The following ATP10A variants were observed in gnomAD, a reference collection of about 807,000 sequenced individuals.
The protein encoded by ATP10A is phospholipid-transporting ATPase VA.
ATP10A carries 111 observed loss-of-function variants against 147.8 expected under a neutral mutation model. The observed-to-expected ratio is 0.75, with a 90% confidence interval of 0.64 to 0.88. The LOEUF (loss-of-function observed/expected upper bound fraction) is 0.88, where lower values mean the gene tolerates loss of function less well. ATP10A is among the 40% of genes least tolerant of loss of function. ATP10A has a pLI of 0.00. For missense variants in ATP10A, 1,927 were observed against 1,959.0 expected (o/e 0.98, Z 0.31); for synonymous variants, 875 against 841.6 (o/e 1.04, Z -0.69).
intron 2 of ATP10A, among the ~76,000 whole-genome samples, chr15:25,757,839 TCCGACCA>T (rs1888510246): frequency 6.8e-6 from 1 of 147,630 alleles, no homozygotes; most frequent in African/African-American, 2.6e-5. Context: ...CCTAACTCAT[TCCGACCA>T]CCTGCTCCAC....
At position 25,701,935 on chromosome 15, in the gene ATP10A, G is replaced by A. The variant is rs145119183; in HGVS notation, c.2741C>T (p.Thr914Ile). 1.7e-5 allele frequency: 28 copies of A among 1,609,736 alleles called. No homozygotes were observed. The highest frequency in any genetic ancestry group is 2.3e-5 in the Non-Finnish European group (27 of 1,177,762). The stretch of plus-strand genomic sequence containing the variant: ...ACCTACCTGGGAGGTGGCATTCAGG[G>A]TGATGACCTCCTCGTCGTGGTCCAG... ...KLLDHDEEVI[T>I]LNATSQEACA... Residue 914 changes from threonine to isoleucine, a missense_variant, in exon 13 of 21, where the codon ACC becomes ATC. Thr to Ile is a moderately conservative substitution (Grantham distance 89). Transcript: ENST00000555815.
chr15:25,723,107 G>A (rs1462896746), intron 6 of ATP10A, among the ~76,000 whole-genome samples: 1 of 152,156 alleles, frequency 6.6e-6, no homozygotes, highest in Non-Finnish European at 1.5e-5. Flanking sequence ...CTAGCACTTT[G>A]GGAGACCGAG....
At chr15:25,795,709 C>T (rs567791370) in intron 1 of ATP10A, among the ~76,000 whole-genome samples, 1 of 152,268 alleles carries the variant, frequency 6.6e-6, no homozygotes, top group South Asian at 2.1e-4. Flanking sequence ...TAATAATACA[C>T]ACTGGGAAAA....
At chr15:25,746,315 T>A (rs971351206) in intron 2 of ATP10A, among the ~76,000 whole-genome samples, 3 of 152,130 alleles carry the variant, frequency 2.0e-5, no homozygotes, top group Non-Finnish European at 4.4e-5. Flanking sequence ...AATAAAAATG[T>A]CTAAATTTAT....
chr15:25,776,381 G>A (rs570965324), intron 2 of ATP10A, among the ~76,000 whole-genome samples: 3 of 152,292 alleles, frequency 2.0e-5, no homozygotes, highest in East Asian at 3.9e-4. Context: ...CACTTTTTCT[G>A]TTTCTCATCT....
chr15:25,799,914 CAAACCCAGA>C (rs1350309813), intron 1 of ATP10A, among the ~76,000 whole-genome samples: 2 of 152,120 alleles, frequency 1.3e-5, no homozygotes, highest in Non-Finnish European at 2.9e-5. Flanking sequence ...ACAACAACAA[CAAACCCAGA>C]AAACCCAACA....
intron 7 of ATP10A, among the ~76,000 whole-genome samples, chr15:25,719,113 C>T (rs1483745022): frequency 6.6e-6 from 1 of 152,150 alleles, no homozygotes; most frequent in African/African-American, 2.4e-5. Context: ...CAGCTTGTTT[C>T]ACCGTGGATG....
rs916062388 is a variant in ATP10A, at chr15:25,841,787, T to C, written c.449+20861A>G. The C allele has an allele frequency of 3.3e-5, 5 of 152,352 alleles. No homozygotes were observed. In the South Asian group the frequency reaches 6.2e-4, roughly 19 times the overall value. 9.4% of individuals were successfully genotyped at this position (152,352 alleles called of 1,614,324 possible). A position where few individuals can be genotyped will look rare whatever the true frequency, so the allele number is the denominator to read the frequency against. On this transcript the variant is annotated intron_variant, in intron 1 of 20. Coordinates refer to ENST00000555815, the MANE Select transcript of ATP10A (RefSeq NM_024490.4). ...TCCTGTATGAGCATTGTGAAACTTA[T>C]ATGTAAGTATTTTATTTTCTTGGTG...
chr15:25,687,894 T>C, intron 15 of ATP10A, 66 bp from the exon 16 acceptor site: 1 of 1,605,178 alleles, frequency 6.2e-7, no homozygotes, highest in Non-Finnish European at 8.5e-7. Context: ...TCTTCTCTTC[T>C]CAAAATGCAA....
At chr15:25,771,543 C>T (rs2140666606) in intron 2 of ATP10A, among the ~76,000 whole-genome samples, 1 of 152,262 alleles carries the variant, frequency 6.6e-6, no homozygotes, top group South Asian at 2.1e-4. Context: ...AGACTCCTCC[C>T]TCCACCCACC....
rs753168128 is a variant in ATP10A, at chr15:25,708,248, G to T, written c.2397C>A (p.Tyr799Ter). The T allele has an allele frequency of 8.7e-6, 14 of 1,614,182 alleles. No individual in the cohort carries two copies. The highest frequency in any genetic ancestry group is 1.2e-5 in the Non-Finnish European group (14 of 1,180,042). The change falls in exon 11 of 21, where the codon TAC (tyrosine) becomes TAA (stop). Residue 799 changes from tyrosine to a stop codon, truncating the protein, a stop_gained. Transcript: ENST00000555815. LOFTEE classifies it high-confidence loss of function. ...QKKIRSKTQN[Y>*]LNVYAAEGLR... is the part of the protein sequence containing the mutation. The stretch of plus-strand genomic sequence containing the variant: ...GGCCTTCCGCCGCATACACGTTGAG[G>T]TAATTCTGAGTTTTGCTCCGAATCT...
At chr15:25,855,020 T>C (rs1002707929) in intron 1 of ATP10A, among the ~76,000 whole-genome samples, 2 of 148,606 alleles carry the variant, frequency 1.3e-5, no homozygotes, top group Non-Finnish European at 1.5e-5. Context: ...GATCGCCCCA[T>C]TGCACTCCAG....
intron 12 of ATP10A, 104 bp from the exon 13 acceptor site, chr15:25,702,204 G>C: frequency 8.2e-7 from 1 of 1,213,938 alleles, no homozygotes; most frequent in Non-Finnish European, 1.1e-6. Flanking sequence ...GCAGGCACTG[G>C]TACAGCCCCT....
intron 1 of ATP10A, among the ~76,000 whole-genome samples, chr15:25,783,051 C>A (rs1444642107): frequency 6.6e-6 from 1 of 152,042 alleles, no homozygotes; most frequent in Non-Finnish European, 1.5e-5. Flanking sequence ...TGGCACGAGC[C>A]TGTAGTCCCA....
intron 12 of ATP10A, among the ~76,000 whole-genome samples, 196 bp downstream of exon 12, chr15:25,707,780 G>A (rs914918923): frequency 5.9e-5 from 9 of 152,196 alleles, no homozygotes; most frequent in Non-Finnish European, 1.2e-4. Flanking sequence ...GGGGCAGCAC[G>A]TGCACCTCAC....
chr15:25,838,737 G>A (rs1441956812), intron 1 of ATP10A, among the ~76,000 whole-genome samples: 1 of 152,124 alleles, frequency 6.6e-6, no homozygotes. Flanking sequence ...TGATAATATC[G>A]CATGTGGCAC....
chr15:25,721,829 C>A lies in ATP10A; in HGVS notation c.1191G>T (p.Gln397His). Residue 397 changes from glutamine to histidine, a missense_variant, in exon 7 of 21, where the codon CAG (glutamine) becomes CAT (histidine). Coordinates refer to ENST00000555815, the MANE Select transcript of ATP10A (RefSeq NM_024490.4). Reference sequence around the variant, plus strand: ...GCGAGTCTGTTTCTTCGTCATACAACTGCATGTCCTGGTTAATGAAGTACA... The same window carrying A: ...GCGAGTCTGTTTCTTCGTCATACAAATGCATGTCCTGGTTAATGAAGTACA... ...CQVYFINQDM[Q>H]LYDEETDSQL... 6.2e-7 allele frequency: 1 copy of A among 1,614,200 alleles called. No individual in the cohort carries two copies. Among genetic ancestry groups the A allele is most frequent in the Non-Finnish European group, 8.5e-7 (1 of 1,180,040 alleles).
chr15:25,709,293 C>T (rs1463656367), intron 10 of ATP10A: 1 of 152,196 alleles, frequency 6.6e-6, no homozygotes, highest in African/African-American at 2.4e-5. Context: ...TAGGTATTTA[C>T]ATTTCCCGAA....
At chr15:25,716,593 C>T (rs888737076) in intron 9 of ATP10A, 137 bp downstream of exon 9, 10 of 813,844 alleles carry the variant, frequency 1.2e-5, no homozygotes, top group East Asian at 2.9e-5. Context: ...AGCACCCCAC[C>T]GCATCCCCCT....
Sources: allele counts gnomAD v4.1 joint callset (sites outside exome capture counted in the v4.1 genomes callset), GRCh38; gene constraint gnomAD v4.1.1; transcripts MANE v1.5; gene names NCBI Gene and HGNC (gene_info 2026-07-23, HGNC 2026-07-21).